FASTKD1: variants seen among roughly 807,000 people sequenced by gnomAD.
FASTKD1 encodes FAST kinase domain-containing protein 1, mitochondrial.
In FASTKD1, 94 loss-of-function variants were observed where a neutral mutation model predicts 90.9. The observed-to-expected ratio is 1.03, with a 90% CI of 0.88 to 1.23. The LOEUF is 1.23. Ranked by LOEUF, FASTKD1 falls within the 50% of genes most tolerant of loss-of-function variation. The pLI is 0.00. For missense variants in FASTKD1, 945 were observed against 993.5 expected, an observed-to-expected ratio of 0.95 and a Z score of 0.66; for synonymous variants, 319 against 345.8, an observed-to-expected ratio of 0.92 and a Z score of 0.86.
In FASTKD1 at chr2:169,546,295, A is replaced by T. The variant is rs769317145; in HGVS notation, c.1624T>A (p.Phe542Ile). Reference sequence around the variant, plus strand: ...CTGAGGTAATCAGTACTAGAAATAAAAGATGCAATCTCCCCAACATTTATG... The same window carrying T: ...CTGAGGTAATCAGTACTAGAAATAATAGATGCAATCTCCCCAACATTTATG... ...NYINVGEIAS[F>I]ISSTDYLSTL... The change falls in exon 8 of 15, where the codon TTT (phenylalanine) becomes ATT (isoleucine). Residue 542 changes from phenylalanine (F) to isoleucine (I), a missense_variant. Coordinates refer to ENST00000453153, the MANE Select transcript of FASTKD1 (RefSeq NM_024622.6). The T allele has an allele frequency of 6.2e-7, 1 of 1,613,892 alleles. No individual in the cohort carries two copies. Among genetic ancestry groups the T allele is most frequent in the East Asian group, 2.2e-5 (1 of 44,878 alleles).
In FASTKD1 at chr2:169,531,457, G is replaced by C; in HGVS notation, c.2222C>G (p.Pro741Arg). The change falls in exon 13 of 15, where the codon CCT becomes CGT. Residue 741 changes from proline to arginine, a missense_variant. Physicochemically the swap from Pro to Arg is moderately radical, Grantham distance 103. Coordinates refer to ENST00000453153, the MANE Select transcript of FASTKD1 (RefSeq NM_024622.6). Reference protein sequence around the residue: ...FECILDKRKKPLPYGSHNIAL... With the variant: ...FECILDKRKKRLPYGSHNIAL... ...TATATTATGGCTTCCATACGGAAGA[G>C]GTTTTTTTCTTTTATCCAAGATACA... The C allele has an allele frequency of 6.2e-7, 1 of 1,609,934 alleles. No individual in the cohort carries two copies. The highest frequency in any genetic ancestry group is 8.5e-7 in the Non-Finnish European group (1 of 1,179,002).
intron 7 of FASTKD1, among the ~76,000 whole-genome samples, chr2:169,552,323 C>A (rs1372946043): frequency 6.6e-6 from 1 of 152,146 alleles, no homozygotes. Context: ...AAAATGAAAT[C>A]TTCTTTGATG....
rs1685206528 is a variant in FASTKD1, at chr2:169,546,506, A to G, written c.1413T>C (p.Asn471=). 1 of 1,614,140 alleles carries G rather than the reference A, an allele frequency of 6.2e-7. No individual in the cohort carries two copies. Residue 471 remains asparagine (N), a synonymous_variant, in exon 8 of 15, where the codon AAT becomes AAC. Transcript: ENST00000453153. ...WIQHDHMYLD[N]MTAKQLKLLQ... ...GTAGTTTCAGTTGTTTCGCAGTCAT[A>G]TTATCCAAATACATGTGATCATGCT...
chr2:169,528,753 C>A lies in FASTKD1; in HGVS notation c.*1072G>T, dbSNP rs906879796. Among the ~76,000 whole-genome samples, 1 of 152,100 alleles carries A rather than the reference C, an allele frequency of 6.6e-6. No homozygotes were observed. Among genetic ancestry groups the A allele is most frequent in the East Asian group, 1.9e-4 (1 of 5,198 alleles). Reference sequence around the variant, plus strand: ...ATTTTCATGTTGCTAAATTTAATAGCCATTTCCCATTTGTCATCTTTCCTG... The same window carrying A: ...ATTTTCATGTTGCTAAATTTAATAGACATTTCCCATTTGTCATCTTTCCTG... On this transcript the variant is annotated 3_prime_UTR_variant, in exon 15 of 15. Coordinates refer to ENST00000453153, the MANE Select transcript of FASTKD1 (RefSeq NM_024622.6).
At chr2:169,562,934 G>A (rs2683443) in intron 4 of FASTKD1, among the ~76,000 whole-genome samples, 70,620 of 151,804 alleles carry the variant, frequency 0.47, 17,395 homozygotes, top group Middle Eastern at 0.61. Context: ...GCCTTCCTAC[G>A]GCACACGTAG....
chr2:169,548,259 G>A (rs575892437), intron 7 of FASTKD1, among the ~76,000 whole-genome samples: 3 of 151,948 alleles, frequency 2.0e-5, no homozygotes, highest in East Asian at 1.9e-4. Context: ...CAGTGATCAC[G>A]TAATAAAATT....
chr2:169,565,613 A>G (rs955643980), intron 3 of FASTKD1, among the ~76,000 whole-genome samples: 1 of 152,178 alleles, frequency 6.6e-6, no homozygotes, highest in African/African-American at 2.4e-5. Flanking sequence ...TGTTGCTTTC[A>G]AATCTTAGCT....
chr2:169,554,008 G>T (rs1006806700), intron 7 of FASTKD1, among the ~76,000 whole-genome samples: 1 of 151,964 alleles, frequency 6.6e-6, no homozygotes, highest in Non-Finnish European at 1.5e-5. Flanking sequence ...AGGAGGCTGA[G>T]GTGGTAGGAT....
Position 169,557,196 on chromosome 2 carries a change from A to T in FASTKD1, c.1073T>A (p.Leu358Gln), listed in dbSNP as rs377384730. The change falls in exon 6 of 15, where the codon CTG (leucine) becomes CAG (glutamine). Residue 358 changes from leucine (L) to glutamine (Q), a missense_variant. Leu to Gln is a moderately radical substitution (Grantham distance 113, BLOSUM62 -2). Transcript: ENST00000453153. ...MGDMESRNSC[L>Q]IKRVTSVLHK... ...ATTTCAGAAAAGATACCTTTTAATC[A>T]GACATGAGTTTCTGCTTTCCATATC... 19 of 1,602,718 alleles carry T rather than the reference A, an allele frequency of 1.2e-5. No homozygotes were observed. Among genetic ancestry groups the T allele is most frequent in the Non-Finnish European group, 1.5e-5 (18 of 1,170,496 alleles).
At chr2:169,538,175 G>A in intron 10 of FASTKD1, 34 bp from the exon 11 acceptor site, 1 of 1,561,512 alleles carries the variant, frequency 6.4e-7, no homozygotes, top group Non-Finnish European at 8.6e-7. Flanking sequence ...AATTTTGATA[G>A]CTGAGACCTA....
intron 7 of FASTKD1, among the ~76,000 whole-genome samples, chr2:169,552,749 G>A (rs2441677): frequency 0.65 from 98,245 of 151,788 alleles, 32,015 homozygotes; most frequent in Admixed American, 0.74. Flanking sequence ...CTCAGAAAAG[G>A]GAGGTTGGTA....
intron 3 of FASTKD1, among the ~76,000 whole-genome samples, chr2:169,565,421 C>A (rs375216994): frequency 6.6e-6 from 1 of 151,770 alleles, no homozygotes; most frequent in East Asian, 1.9e-4. Context: ...CGCCACCACG[C>A]CCGGCTAACT....
chr2:169,554,982 G>A, intron 7 of FASTKD1, 142 bp downstream of exon 7: 1 of 709,912 alleles, frequency 1.4e-6, no homozygotes, highest in Non-Finnish European at 2.2e-6. Flanking sequence ...TGGCCACGGA[G>A]GGAGATAGTG....
chr2:169,551,872 A>C (rs1312517299), intron 7 of FASTKD1, among the ~76,000 whole-genome samples: 1 of 152,194 alleles, frequency 6.6e-6, no homozygotes, highest in Admixed American at 6.5e-5. Context: ...TTACAAATAG[A>C]GATAGTTAAT....
chr2:169,569,533 CATATA>C (rs1334930228), intron 2 of FASTKD1, among the ~76,000 whole-genome samples: 1 of 152,076 alleles, frequency 6.6e-6, no homozygotes, highest in Non-Finnish European at 1.5e-5. Flanking sequence ...GTTAAAAGTA[CATATA>C]ATATGTCTTT....
Position 169,562,125 on chromosome 2 carries a change from T to A in FASTKD1, c.572+1100A>T, listed in dbSNP as rs13015277. 1.4e-3 allele frequency among the ~76,000 whole-genome samples: 180 copies of A among 128,222 alleles called. 1 individual carries two copies. Among genetic ancestry groups the A allele is most frequent in the African/African-American group, 2.9e-3 (114 of 38,652 alleles). 84.1% of individuals were successfully genotyped at this position (128,222 alleles called of 152,430 possible). A position where few individuals can be genotyped will look rare whatever the true frequency, so the allele number is the denominator to read the frequency against. ...TAATTATTTATTAATTTATTGTAAA[T>A]TAATTATTTATTAATTTATTGTAAA... On this transcript the variant is annotated intron_variant, in intron 4 of 14. Transcript: ENST00000453153.
chr2:169,560,976 C>T (rs1249909771), intron 4 of FASTKD1, among the ~76,000 whole-genome samples, 191 bp from the exon 5 acceptor site: 2 of 148,892 alleles, frequency 1.3e-5, no homozygotes, highest in African/African-American at 4.9e-5. Flanking sequence ...AGCCACTGCA[C>T]CCAGCCACAT....
At chr2:169,560,822 A>C (rs2105410308) in intron 4 of FASTKD1, 37 bp from the exon 5 acceptor site, 1 of 1,215,058 alleles carries the variant, frequency 8.2e-7, no homozygotes. Context: ...TTTTACATCA[A>C]TTAAGAATGA....
chr2:169,563,303 T>A lies in FASTKD1; in HGVS notation c.494A>T (p.Gln165Leu). The A allele has an allele frequency of 6.2e-7, 1 of 1,612,024 alleles. No homozygotes were observed. The highest frequency in any genetic ancestry group is 8.5e-7 in the Non-Finnish European group (1 of 1,178,618). The change falls in exon 4 of 15, where the codon CAG becomes CTG. Residue 165 changes from glutamine to leucine, a missense_variant. Gln to Leu is a moderately radical substitution (Grantham distance 113). Transcript: ENST00000453153. ...LSEFSSCLAD[Q>L]HLYFSPLMGK... ...CATTAATGGACTAAAATACAAATGC[T>A]GATCTGCTAGGCAAGAGGAAAATTC...
Sources: allele counts gnomAD v4.1 joint callset (sites outside exome capture counted in the v4.1 genomes callset), GRCh38; gene constraint gnomAD v4.1.1; transcripts MANE v1.5; gene names NCBI Gene and HGNC (gene_info 2026-07-23, HGNC 2026-07-21).